CSMD3: variants seen among roughly 807,000 people sequenced by gnomAD.
CSMD3 encodes the protein CUB and Sushi multiple domains 3.
CSMD3 carries 177 observed loss-of-function variants against 435.2 expected under a neutral mutation model. That is an observed-to-expected ratio of 0.41 (90% CI 0.36 to 0.46). The LOEUF (loss-of-function observed/expected upper bound fraction) is 0.46. CSMD3 is among the 20% of genes least tolerant of loss of function. The pLI, the probability that CSMD3 is intolerant of heterozygous loss-of-function variation, is 0.34. For synonymous variants in CSMD3, 1,656 were observed against 1,520.5 expected (o/e 1.09, Z -2.07); for missense variants, 4,265 against 4,504.6 (o/e 0.95, Z 1.52).
intron 24 of CSMD3, among the ~76,000 whole-genome samples, chr8:112,559,838 T>C (rs991755783): frequency 6.6e-6 from 1 of 151,846 alleles, no homozygotes; most frequent in East Asian, 1.9e-4. Flanking sequence ...CAAGGACAAT[T>C]AGGTGAAAAC....
chr8:113,428,493 G>A (rs1388334374), intron 1 of CSMD3, among the ~76,000 whole-genome samples: 1 of 151,712 alleles, frequency 6.6e-6, no homozygotes, highest in African/African-American at 2.4e-5. Flanking sequence ...TCAGAAAAAT[G>A]TGTATTACTC....
At chr8:112,948,161 T>C (rs2083681380) in intron 8 of CSMD3, among the ~76,000 whole-genome samples, 1 of 151,948 alleles carries the variant, frequency 6.6e-6, no homozygotes, top group African/African-American at 2.4e-5. Flanking sequence ...TTCCATCAAA[T>C]TGGAAAATCT....
rs562705788 is a variant in CSMD3 at position 113,428,647 on chromosome 8, C to T, written c.178+8030G>A. Among the ~76,000 whole-genome samples, 407 of 151,918 alleles carry T rather than the reference C, an allele frequency of 2.7e-3. 5 individuals are homozygous for T. Among genetic ancestry groups the T allele is most frequent in the African/African-American group, 9.4e-3 (389 of 41,524 alleles). On this transcript the variant is annotated intron_variant, in intron 1 of 70. Transcript: ENST00000297405. ...GTTAAGGGCTTATCATAAAGCATCA[C>T]ACATGAAAAGACACAACAAAGAATT...
At chr8:113,162,054 A>C (rs2092051136) in intron 4 of CSMD3, among the ~76,000 whole-genome samples, 1 of 152,154 alleles carries the variant, frequency 6.6e-6, no homozygotes, top group South Asian at 2.1e-4. Context: ...AAGACAAGGA[A>C]AGATTACTAT....
chr8:113,182,515 C>T (rs1236299579), intron 3 of CSMD3, among the ~76,000 whole-genome samples: 1 of 113,850 alleles, frequency 8.8e-6, no homozygotes, highest in Non-Finnish European at 1.6e-5. Context: ...GCTGCTGATG[C>T]TGCCAAAAAA....
At chr8:112,560,370 C>T (rs761564583) in intron 24 of CSMD3, among the ~76,000 whole-genome samples, 3 of 151,546 alleles carry the variant, frequency 2.0e-5, no homozygotes, top group African/African-American at 4.8e-5. Flanking sequence ...TTTCCCCTCC[C>T]TCTTTCTCAC....
intron 5 of CSMD3, among the ~76,000 whole-genome samples, chr8:113,025,427 G>A (rs999621937): frequency 6.6e-6 from 1 of 152,100 alleles, no homozygotes; most frequent in African/African-American, 2.4e-5. Flanking sequence ...AAAAACTTAC[G>A]GTAATAATGG....
intron 10 of CSMD3, among the ~76,000 whole-genome samples, chr8:112,891,560 T>C (rs1314760720): frequency 6.6e-6 from 1 of 151,510 alleles, no homozygotes; most frequent in Admixed American, 6.6e-5. Context: ...TATCAGGTTC[T>C]ATCTAGGCCT....
chr8:112,356,505 T>G (rs1303762), intron 38 of CSMD3, among the ~76,000 whole-genome samples: 1 of 151,628 alleles, frequency 6.6e-6, no homozygotes, highest in Non-Finnish European at 1.5e-5. Context: ...GGGGGTTACT[T>G]GGTAGGGGAA....
At chr8:112,406,499 A>G (rs371418394) in intron 35 of CSMD3, 25 bp downstream of exon 35, 85 of 1,483,084 alleles carry the variant, frequency 5.7e-5, no homozygotes, top group Non-Finnish European at 6.9e-5. Context: ...GTATAATCAC[A>G]GATCATACAA....
chr8:112,874,887 T>C (rs988817346), intron 10 of CSMD3, among the ~76,000 whole-genome samples: 7 of 152,176 alleles, frequency 4.6e-5, no homozygotes, highest in Non-Finnish European at 1.0e-4. Context: ...CCAGTCTGTG[T>C]CTTTTAATTG....
intron 27 of CSMD3, among the ~76,000 whole-genome samples, chr8:112,530,544 G>C (rs985502139): frequency 6.6e-6 from 1 of 152,102 alleles, no homozygotes; most frequent in African/African-American, 2.4e-5. Context: ...ACCATACACG[G>C]TCAAACTGTC....
At chr8:113,185,857 T>C (rs987507788) in intron 3 of CSMD3, among the ~76,000 whole-genome samples, 1 of 151,948 alleles carries the variant, frequency 6.6e-6, no homozygotes, top group Admixed American at 6.6e-5. Context: ...TCAGTGTCTA[T>C]TCCTACAAAG....
intron 5 of CSMD3, among the ~76,000 whole-genome samples, chr8:113,088,829 G>A (rs2089900403): frequency 6.6e-6 from 1 of 151,758 alleles, no homozygotes; most frequent in Non-Finnish European, 1.5e-5. Context: ...CCTGCACACT[G>A]TGCACATGTA....
chr8:112,255,005 T>C (rs1353362050), intron 62 of CSMD3, among the ~76,000 whole-genome samples: 1 of 152,068 alleles, frequency 6.6e-6, no homozygotes, highest in African/African-American at 2.4e-5. Context: ...TACCTGAAAG[T>C]ATTTTTATTT....
rs116272596 is a variant in CSMD3 at position 112,778,139 on chromosome 8, C to A, written c.1972+22023G>T. Among the ~76,000 whole-genome samples, 743 of 151,914 alleles carry A rather than the reference C, an allele frequency of 4.9e-3. 12 individuals carry two copies. The highest frequency in any genetic ancestry group is 0.017 in the African/African-American group (707 of 41,504). ...TTCATATACTCCCTGCCCTCCTTCA[C>A]GTACAACCTCCCCAACTACCAACAT... On this transcript the variant is annotated intron_variant, in intron 13 of 70. Transcript: ENST00000297405.
chr8:113,090,891 C>A lies in CSMD3; in HGVS notation c.917+7865G>T, dbSNP rs898815285. 3.3e-5 allele frequency among the ~76,000 whole-genome samples: 5 copies of A among 152,044 alleles called. 1 individual carries two copies. Among genetic ancestry groups the A allele is most frequent in the Non-Finnish European group, 2.9e-5 (2 of 67,998 alleles). On this transcript the variant is annotated intron_variant, in intron 5 of 70. Coordinates refer to ENST00000297405, the MANE Select transcript of CSMD3 (RefSeq NM_198123.2). The stretch of plus-strand genomic sequence containing the variant: ...AGTATTTCAAATAAATCTCACTCTG[C>A]TAAAATATCCTAACCTACCACCTCT...
chr8:112,314,632 T>C lies in CSMD3; in HGVS notation c.7361-15A>G, dbSNP rs368247053. The stretch of plus-strand genomic sequence containing the variant: ...AGGACAGAGCACTGTCAAAGAAAAA[T>C]GTCATTAAATAATGCCAGTCTTTTA... On this transcript the variant is annotated splice_polypyrimidine_tract_variant and intron_variant, in intron 47 of 70. Transcript: ENST00000297405. 1.5e-5 allele frequency: 24 copies of C among 1,591,804 alleles called. No individual in the cohort carries two copies. Among genetic ancestry groups the C allele is most frequent in the Admixed American group, 1.2e-4 (7 of 59,884 alleles).
chr8:113,122,526 AC>A (rs1461107379), intron 4 of CSMD3, among the ~76,000 whole-genome samples: 1 of 152,148 alleles, frequency 6.6e-6, no homozygotes, highest in African/African-American at 2.4e-5. Flanking sequence ...TTATGAGATC[AC>A]CCAGGAATAT....
Sources: gnomAD v4.1 joint callset for allele counts (sites outside exome capture counted in the v4.1 genomes callset) on GRCh38, gnomAD v4.1.1 for gene constraint, MANE v1.5 for transcripts, NCBI Gene and HGNC (gene_info 2026-07-23, HGNC 2026-07-21) for gene names.